The following SPOCK1 variants were observed in gnomAD, a reference collection of about 807,000 sequenced individuals.
The protein encoded by SPOCK1 is SPARC (osteonectin), cwcv and kazal like domains proteoglycan 1, also known as testican-1.
A neutral mutation model predicts 55.3 loss-of-function variants in SPOCK1; 23 were observed. The observed-to-expected ratio is 0.42, with a 90% CI of 0.30 to 0.59. The LOEUF (loss-of-function observed/expected upper bound fraction) is 0.59, where lower values mean the gene tolerates loss of function less well. Among genes scored for constraint, SPOCK1 ranks in the 20% least tolerant of loss-of-function variants. The pLI, the probability that SPOCK1 is intolerant of heterozygous loss-of-function variation, is 0.22. For missense variants in SPOCK1, 499 were observed against 552.5 expected, an observed-to-expected ratio of 0.90 and a Z score of 0.97; for synonymous variants, 226 against 221.0, an observed-to-expected ratio of 1.02 and a Z score of -0.20.
intron 5 of SPOCK1, among the ~76,000 whole-genome samples, chr5:137,069,596 G>A (rs554684447): frequency 5.3e-5 from 8 of 152,266 alleles, no homozygotes; most frequent in East Asian, 3.9e-4. Context: ...AAGGTGAGCC[G>A]AGTGGAACGC....
intron 2 of SPOCK1, among the ~76,000 whole-genome samples, chr5:137,417,428 T>G (rs1053345567): frequency 3.3e-5 from 5 of 152,046 alleles, no homozygotes; most frequent in Admixed American, 6.5e-5. Flanking sequence ...AAGATGACTT[T>G]TGACATTCAC....
At chr5:137,377,579 TA>T (rs1198529742) in intron 2 of SPOCK1, among the ~76,000 whole-genome samples, 1 of 152,264 alleles carries the variant, frequency 6.6e-6, no homozygotes, top group African/African-American at 2.4e-5. Context: ...TTGTTCCTGT[TA>T]TTTTTTTTAA....
intron 3 of SPOCK1, among the ~76,000 whole-genome samples, chr5:137,185,073 G>T (rs549260441): frequency 6.6e-6 from 1 of 152,262 alleles, no homozygotes; most frequent in African/African-American, 2.4e-5. Context: ...GGGGCAGAGA[G>T]AATGAATGAA....
chr5:137,090,463 C>T (rs1239184940), intron 5 of SPOCK1, among the ~76,000 whole-genome samples: 2 of 152,220 alleles, frequency 1.3e-5, no homozygotes, highest in African/African-American at 2.4e-5. Flanking sequence ...CAGGGAACAA[C>T]CAACCTTCCA....
chr5:137,096,280 T>G, intron 5 of SPOCK1, among the ~76,000 whole-genome samples: 1 of 150,416 alleles, frequency 6.6e-6, no homozygotes, highest in South Asian at 2.1e-4. Context: ...AATAAAACAG[T>G]GACCCTTCCC....
chr5:137,211,833 A>G (rs1755623819), intron 3 of SPOCK1, among the ~76,000 whole-genome samples: 1 of 152,190 alleles, frequency 6.6e-6, no homozygotes, highest in Non-Finnish European at 1.5e-5. Context: ...AACACAATCC[A>G]AAAGGGTGGT....
At chr5:137,463,380 C>T (rs917983479) in intron 2 of SPOCK1, among the ~76,000 whole-genome samples, 2 of 152,060 alleles carry the variant, frequency 1.3e-5, no homozygotes, top group Admixed American at 6.6e-5. Context: ...AACTGGAGAT[C>T]GTTATGTTAA....
At chr5:137,163,953 G>T (rs997953850) in intron 3 of SPOCK1, among the ~76,000 whole-genome samples, 5 of 152,032 alleles carry the variant, frequency 3.3e-5, no homozygotes, top group African/African-American at 1.2e-4. Context: ...AATTTAAATT[G>T]TTAGCAGACC....
chr5:137,414,915 G>A (rs1451751490), intron 2 of SPOCK1, among the ~76,000 whole-genome samples: 1 of 147,754 alleles, frequency 6.8e-6, no homozygotes, highest in Non-Finnish European at 1.5e-5. Flanking sequence ...TCCCTTAGGT[G>A]CTATATCTTT....
intron 2 of SPOCK1, among the ~76,000 whole-genome samples, chr5:137,458,384 C>T (rs1753411817): frequency 6.6e-6 from 1 of 152,118 alleles, no homozygotes; most frequent in African/African-American, 2.4e-5. Context: ...CTACAATAAA[C>T]ATATGTTACT....
intron 3 of SPOCK1, 101 bp from the exon 4 acceptor site, chr5:137,140,795 G>A (rs1754081559): frequency 2.7e-6 from 2 of 728,482 alleles, no homozygotes; most frequent in Middle Eastern, 4.4e-4. Context: ...CTCTCGCTGT[G>A]TTGCCCAGAC....
chr5:137,395,077 G>C (rs775396426), intron 2 of SPOCK1, among the ~76,000 whole-genome samples: 46 of 152,294 alleles, frequency 3.0e-4, no homozygotes, highest in Admixed American at 7.2e-4. Context: ...CTACCCTGGG[G>C]TCTTCTCTTC....
At chr5:137,090,862 T>C (rs923711944) in intron 5 of SPOCK1, among the ~76,000 whole-genome samples, 2 of 152,130 alleles carry the variant, frequency 1.3e-5, no homozygotes, top group African/African-American at 4.8e-5. Flanking sequence ...CCTGCAGTCA[T>C]GAAGTGTTTT....
At chr5:137,030,318 G>T (rs762138201) in intron 6 of SPOCK1, among the ~76,000 whole-genome samples, 1 of 152,286 alleles carries the variant, frequency 6.6e-6, no homozygotes, top group East Asian at 1.9e-4. Flanking sequence ...ACAAATGAGC[G>T]GTTTAAAGGT....
At chr5:137,334,484 C>T (rs776555726) in intron 2 of SPOCK1, among the ~76,000 whole-genome samples, 3 of 152,150 alleles carry the variant, frequency 2.0e-5, no homozygotes, top group Admixed American at 6.6e-5. Context: ...GTTTCAATTC[C>T]AGGAGTGTGG....
chr5:137,442,117 G>A (rs759962663), intron 2 of SPOCK1, among the ~76,000 whole-genome samples: 12 of 152,204 alleles, frequency 7.9e-5, no homozygotes, highest in African/African-American at 1.2e-4. Flanking sequence ...CATTCCTCCT[G>A]GGACTTCAGC....
chr5:137,077,852 A>G (rs1225645711), intron 5 of SPOCK1, among the ~76,000 whole-genome samples: 5 of 152,228 alleles, frequency 3.3e-5, no homozygotes, highest in Admixed American at 2.0e-4. Flanking sequence ...AGGGCCACAT[A>G]TAAGCTGTAC....
At chr5:137,366,584 C>T (rs1580888360) in intron 2 of SPOCK1, among the ~76,000 whole-genome samples, 1 of 152,186 alleles carries the variant, frequency 6.6e-6, no homozygotes, top group African/African-American at 2.4e-5. Context: ...AAGCTGGAGT[C>T]CTGCCCCACC....
In SPOCK1 at chr5:137,040,803, G is replaced by A. The variant is rs191652907; in HGVS notation, c.589+26912C>T. 3.9e-5 allele frequency among the ~76,000 whole-genome samples: 6 copies of A among 152,286 alleles called. No individual in the cohort carries two copies. In the East Asian group the frequency reaches 1.2e-3, roughly 29 times the overall value. On this transcript the variant is annotated intron_variant, in intron 6 of 10. Transcript: ENST00000394945. ...GAACCATAAGTGTCTGTCACCCCATGAGAGATGATGAGGCATAATGGCTCA... is the reference window on the plus strand; with the variant it reads ...GAACCATAAGTGTCTGTCACCCCATAAGAGATGATGAGGCATAATGGCTCA...
Sources: gnomAD v4.1 joint callset for allele counts (sites outside exome capture counted in the v4.1 genomes callset) on GRCh38, gnomAD v4.1.1 for gene constraint, MANE v1.5 for transcripts, NCBI Gene and HGNC (gene_info 2026-07-23, HGNC 2026-07-21) for gene names.